DNAJC1: variants seen among roughly 807,000 people sequenced by gnomAD.
The protein encoded by DNAJC1 is DnaJ heat shock protein family (Hsp40) member C1.
A neutral mutation model predicts 76.6 loss-of-function variants in DNAJC1; 58 were observed. The observed-to-expected ratio is 0.76, with a 90% CI of 0.61 to 0.94. The LOEUF is 0.94. DNAJC1 is among the 40% of genes least tolerant of loss of function. The probability of loss-of-function intolerance (pLI) is 0.00; values close to 1 mark genes in which losing one functional copy is unlikely to be tolerated. For missense variants in DNAJC1, 689 were observed against 677.3 expected (o/e 1.02, Z -0.19); for synonymous variants, 258 against 267.9 (o/e 0.96, Z 0.36).
chr10:21,843,540 C>T (rs965985937), intron 8 of DNAJC1, among the ~76,000 whole-genome samples: 4 of 151,430 alleles, frequency 2.6e-5, no homozygotes, highest in South Asian at 2.1e-4. Flanking sequence ...AGTACAGGCA[C>T]GTGCCACCAT....
At chr10:21,862,625 C>T (rs558842873) in intron 8 of DNAJC1, among the ~76,000 whole-genome samples, 5 of 151,754 alleles carry the variant, frequency 3.3e-5, no homozygotes, top group East Asian at 2.0e-4. Context: ...GACAGGGTTT[C>T]GCTATGTTGG....
chr10:21,908,236 T>G (rs1481691860), intron 6 of DNAJC1, among the ~76,000 whole-genome samples: 1 of 38,694 alleles, frequency 2.6e-5, no homozygotes, highest in African/African-American at 2.4e-4. Flanking sequence ...ATATATAAAA[T>G]ATATATAATA....
intron 9 of DNAJC1, among the ~76,000 whole-genome samples, chr10:21,778,200 G>T (rs9703945): frequency 2.0e-5 from 3 of 150,120 alleles, no homozygotes; most frequent in Non-Finnish European, 4.5e-5. Flanking sequence ...TCTCAAAAAA[G>T]AAAAAAAAAT....
intron 8 of DNAJC1, among the ~76,000 whole-genome samples, chr10:21,810,952 T>C (rs1834955007): frequency 6.6e-6 from 1 of 152,226 alleles, no homozygotes; most frequent in Admixed American, 6.5e-5. Context: ...GACTGCAGTT[T>C]GCCTCCAAAG....
chr10:21,791,269 T>G (rs1281166938), intron 9 of DNAJC1, among the ~76,000 whole-genome samples: 1 of 152,102 alleles, frequency 6.6e-6, no homozygotes, highest in South Asian at 2.1e-4. Flanking sequence ...AAGGGAGAGA[T>G]AGACTCCAAT....
intron 8 of DNAJC1, among the ~76,000 whole-genome samples, chr10:21,875,172 C>T (rs991432033): frequency 6.6e-5 from 10 of 152,272 alleles, no homozygotes; most frequent in South Asian, 2.1e-4. Flanking sequence ...TCAGCCACCA[C>T]GCCCAGCGAG....
intron 10 of DNAJC1, among the ~76,000 whole-genome samples, 181 bp downstream of exon 10, chr10:21,766,080 A>C (rs1203166587): frequency 6.6e-6 from 1 of 152,168 alleles, no homozygotes; most frequent in African/African-American, 2.4e-5. Flanking sequence ...CGGCACCAGT[A>C]TGTGCAGGGC....
intron 8 of DNAJC1, among the ~76,000 whole-genome samples, chr10:21,869,493 G>A (rs1033800162): frequency 6.6e-6 from 1 of 152,036 alleles, no homozygotes; most frequent in Admixed American, 6.5e-5. Flanking sequence ...TTATACCTTT[G>A]CCTGTAACTA....
chr10:21,976,204 T>G (rs1277835360), intron 1 of DNAJC1, among the ~76,000 whole-genome samples: 1 of 152,202 alleles, frequency 6.6e-6, no homozygotes, highest in Non-Finnish European at 1.5e-5. Context: ...CAGTCATGTA[T>G]CTTCTTTATC....
At chr10:21,768,889 T>C (rs1834335493) in intron 9 of DNAJC1, among the ~76,000 whole-genome samples, 1 of 152,178 alleles carries the variant, frequency 6.6e-6, no homozygotes, top group Non-Finnish European at 1.5e-5. Flanking sequence ...GCTCCATCAA[T>C]TACTTGCTTT....
chr10:21,906,025 T>G (rs577990742), intron 6 of DNAJC1, among the ~76,000 whole-genome samples: 8 of 152,270 alleles, frequency 5.3e-5, no homozygotes, highest in Admixed American at 2.6e-4. Context: ...GTGTCCAAAT[T>G]AAAGCTTTTT....
chr10:21,875,864 G>A (rs888293644), intron 8 of DNAJC1, among the ~76,000 whole-genome samples: 1 of 152,172 alleles, frequency 6.6e-6, no homozygotes. Flanking sequence ...GGCGGAGGTT[G>A]CAGCGAGGTG....
intron 6 of DNAJC1, among the ~76,000 whole-genome samples, chr10:21,911,238 T>C (rs1263870248): frequency 6.6e-6 from 1 of 152,080 alleles, no homozygotes; most frequent in Non-Finnish European, 1.5e-5. Context: ...TCTATTTCTT[T>C]TTCATTGTTT....
At chr10:21,975,171 T>C (rs189977627) in intron 1 of DNAJC1, among the ~76,000 whole-genome samples, 14 of 152,250 alleles carry the variant, frequency 9.2e-5, no homozygotes, top group African/African-American at 3.1e-4. Flanking sequence ...TTTAAAATAG[T>C]TATTTGAAAG....
At chr10:21,793,317 C>T (rs775853623) in intron 9 of DNAJC1, among the ~76,000 whole-genome samples, 4 of 151,716 alleles carry the variant, frequency 2.6e-5, no homozygotes, top group African/African-American at 7.3e-5. Flanking sequence ...GTTGGGGGGC[C>T]GGGAAAGAAA....
intron 8 of DNAJC1, among the ~76,000 whole-genome samples, chr10:21,855,667 A>C (rs1386062478): frequency 8.5e-5 from 13 of 152,188 alleles, no homozygotes; most frequent in Non-Finnish European, 1.9e-4. Flanking sequence ...TTACATTTAG[A>C]AGCTTAAAAA....
chr10:21,876,820 A>AGTT (rs2131715883), intron 8 of DNAJC1, among the ~76,000 whole-genome samples: 1 of 152,328 alleles, frequency 6.6e-6, no homozygotes, highest in African/African-American at 2.4e-5. Flanking sequence ...AATTTGTAGC[A>AGTT]GGCCAAGGGT....
intron 9 of DNAJC1, among the ~76,000 whole-genome samples, chr10:21,788,126 A>G (rs1463855862): frequency 1.3e-5 from 2 of 152,152 alleles, no homozygotes; most frequent in African/African-American, 4.8e-5. Context: ...CTTGGGCTGG[A>G]GCTTAAGCAC....
intron 8 of DNAJC1, among the ~76,000 whole-genome samples, chr10:21,835,204 C>T (rs551108025): frequency 8.5e-4 from 129 of 152,320 alleles, no homozygotes; most frequent in African/African-American, 2.9e-3. Context: ...GCTGCTGATA[C>T]CCAGGCAAAC....
Sources: allele counts gnomAD v4.1 joint callset (sites outside exome capture counted in the v4.1 genomes callset), GRCh38; gene constraint gnomAD v4.1.1; transcripts MANE v1.5; gene names NCBI Gene and HGNC (gene_info 2026-07-23, HGNC 2026-07-21).